PLEKHA2: variants seen among roughly 807,000 people sequenced by gnomAD.
PLEKHA2 encodes pleckstrin homology domain containing A2.
PLEKHA2 carries 28 observed loss-of-function variants against 53.2 expected under a neutral mutation model. That is an observed-to-expected ratio of 0.53 (90% confidence interval 0.39 to 0.72). The LOEUF (loss-of-function observed/expected upper bound fraction) is 0.72. Ranked by LOEUF, PLEKHA2 falls within the 30% of genes least tolerant of loss-of-function variation. PLEKHA2 has a pLI of 0.00. For synonymous variants in PLEKHA2, 193 were observed against 196.4 expected, an observed-to-expected ratio of 0.98 and a Z score of 0.14; for missense variants, 426 against 537.9, an observed-to-expected ratio of 0.79 and a Z score of 2.06.
At chr8:38,911,599 C>T (rs957318740) in intron 1 of PLEKHA2, among the ~76,000 whole-genome samples, 8 of 152,190 alleles carry the variant, frequency 5.3e-5, no homozygotes, top group African/African-American at 1.9e-4. Flanking sequence ...AGGATGCCCA[C>T]AGGCTTACCT....
At chr8:38,933,790 A>AAAAAAAAAAAAAAAAAAAAAGAAAAG (rs71216697) in intron 2 of PLEKHA2, among the ~76,000 whole-genome samples, 7 of 90,660 alleles carry the variant, frequency 7.7e-5, no homozygotes, top group African/African-American at 2.7e-4. Flanking sequence ...AAAAAAAAAA[A>AAAAAAAAAAAAAAAAAAAAAGAAAAG]AAAAGAAAAG....
chr8:38,914,169 C>T (rs1283978478), intron 1 of PLEKHA2, among the ~76,000 whole-genome samples: 1 of 152,226 alleles, frequency 6.6e-6, no homozygotes, highest in African/African-American at 2.4e-5. Flanking sequence ...GTCCCCTATC[C>T]TTTTGCACTG....
intron 10 of PLEKHA2, among the ~76,000 whole-genome samples, chr8:38,963,523 A>G (rs1835077019): frequency 6.6e-6 from 1 of 152,134 alleles, no homozygotes; most frequent in South Asian, 2.1e-4. Context: ...TTTGCATACA[A>G]TTTTGGAGTT....
At chr8:38,918,202 C>G in intron 2 of PLEKHA2, 132 bp downstream of exon 2, 1 of 1,205,256 alleles carries the variant, frequency 8.3e-7, no homozygotes, top group East Asian at 2.6e-5. Flanking sequence ...AGGGGACAAC[C>G]CTACAACACA....
At chr8:38,929,804 T>G (rs547801756) in intron 2 of PLEKHA2, among the ~76,000 whole-genome samples, 10 of 152,376 alleles carry the variant, frequency 6.6e-5, no homozygotes, top group Admixed American at 4.6e-4. Flanking sequence ...AGTTGAGCCT[T>G]AGAGGACTCA....
In PLEKHA2 at chr8:38,969,650, G is replaced by A. The variant is rs141866590; in HGVS notation, c.1145G>A (p.Arg382His). The A allele has an allele frequency of 1.6e-4, 261 of 1,597,130 alleles. No individual in the cohort carries two copies. The highest frequency in any genetic ancestry group is 1.1e-3 in the Admixed American group (63 of 57,248). The change falls in exon 12 of 12, where the codon CGT becomes CAT. Residue 382 changes from arginine (R) to histidine (H), a missense_variant. Arg to His is a conservative substitution (Grantham distance 29). Coordinates refer to ENST00000617275, the MANE Select transcript of PLEKHA2 (RefSeq NM_021623.2). ...DTSEDSLFTP[R>H]PGEGSAPGVL... is the part of the protein sequence containing the mutation. ...TCAGAGGACTCCTTGTTCACGCCTC[G>A]TCCTGGGGAGGGCAGCGCTCCTGGG...
At chr8:38,928,621 A>G (rs1270704890) in intron 2 of PLEKHA2, among the ~76,000 whole-genome samples, 1 of 152,100 alleles carries the variant, frequency 6.6e-6, no homozygotes, top group Non-Finnish European at 1.5e-5. Flanking sequence ...TGGCTGAGAG[A>G]CTTAACACAC....
intron 1 of PLEKHA2, among the ~76,000 whole-genome samples, chr8:38,913,443 C>G (rs910443911): frequency 2.6e-5 from 4 of 151,666 alleles, no homozygotes; most frequent in Non-Finnish European, 5.9e-5. Context: ...AGCCAATGTT[C>G]AGCTGGACAC....
intron 1 of PLEKHA2, among the ~76,000 whole-genome samples, chr8:38,909,219 A>G (rs1833921386): frequency 6.6e-6 from 1 of 151,912 alleles, no homozygotes; most frequent in Non-Finnish European, 1.5e-5. Flanking sequence ...TATAAATTCT[A>G]TTGCAGTTGC....
At chr8:38,927,547 C>T (rs927104188) in intron 2 of PLEKHA2, among the ~76,000 whole-genome samples, 1 of 151,984 alleles carries the variant, frequency 6.6e-6, no homozygotes, top group African/African-American at 2.4e-5. Flanking sequence ...AATAGTGTCT[C>T]GAAGGCAAAG....
At chr8:38,918,141 T>G in intron 2 of PLEKHA2, 71 bp downstream of exon 2, 1 of 1,542,576 alleles carries the variant, frequency 6.5e-7, no homozygotes, top group South Asian at 1.2e-5. Flanking sequence ...GCACACAGGG[T>G]TAGCCTCCAG....
chr8:38,970,153 A>G lies in PLEKHA2; in HGVS notation c.*370A>G, dbSNP rs993500964. On this transcript the variant is annotated 3_prime_UTR_variant, in exon 12 of 12. Coordinates refer to ENST00000617275, the MANE Select transcript of PLEKHA2 (RefSeq NM_021623.2). ...GGAAGTCCAGTTTCACCAATGACCA[A>G]GTTTTATTTCCTTGTCCTTGTTTTA... is the stretch of plus-strand genomic sequence containing the variant. 1 of 439,104 alleles carries G rather than the reference A, an allele frequency of 2.3e-6. No homozygotes were observed. Among genetic ancestry groups the G allele is most frequent in the East Asian group, 3.5e-5 (1 of 28,328 alleles). 27.2% of individuals were successfully genotyped at this position (439,104 alleles called of 1,614,324 possible). A position where few individuals can be genotyped will look rare whatever the true frequency, so the allele number is the denominator to read the frequency against.
intron 6 of PLEKHA2, 46 bp downstream of exon 6, chr8:38,951,036 T>A: frequency 6.8e-7 from 1 of 1,474,066 alleles, no homozygotes; most frequent in Non-Finnish European, 9.1e-7. Context: ...GGTGTGGAAG[T>A]GTCCATGGTG....
At chr8:38,948,931 C>T (rs890465155) in intron 5 of PLEKHA2, among the ~76,000 whole-genome samples, 2 of 152,074 alleles carry the variant, frequency 1.3e-5, no homozygotes, top group African/African-American at 4.8e-5. Flanking sequence ...AGTGCAATGG[C>T]GTGATCTCGG....
intron 10 of PLEKHA2, among the ~76,000 whole-genome samples, chr8:38,963,205 A>G (rs1283272883): frequency 6.6e-6 from 1 of 152,232 alleles, no homozygotes; most frequent in Non-Finnish European, 1.5e-5. Flanking sequence ...TGTCCTACTC[A>G]TCTCAAAAAC....
At chr8:38,936,318 A>G (rs75083660) in intron 3 of PLEKHA2, among the ~76,000 whole-genome samples, 10,657 of 152,130 alleles carry the variant, frequency 0.07, 509 homozygotes, top group East Asian at 0.19. Flanking sequence ...CCTGCGCAGG[A>G]GGTGTTATGT....
rs188471923 is a variant in PLEKHA2, at chr8:38,961,485, C to T, written c.837+4099C>T. ...CCAGGGGGCGGAGGTTGCAGTGAGCCGAGATCACACCACTGCACTCCAGCC... is the reference window on the plus strand; with the variant it reads ...CCAGGGGGCGGAGGTTGCAGTGAGCTGAGATCACACCACTGCACTCCAGCC... On this transcript the variant is annotated intron_variant, in intron 10 of 11. Transcript: ENST00000617275. Among the ~76,000 whole-genome samples, 7 of 151,484 alleles carry T rather than the reference C, an allele frequency of 4.6e-5. No homozygotes were observed. In the East Asian group the frequency reaches 5.8e-4, roughly 13 times the overall value.
chr8:38,907,818 T>TTATG (rs79770085), intron 1 of PLEKHA2, among the ~76,000 whole-genome samples: 43,435 of 147,120 alleles, frequency 0.3, 6,648 homozygotes, highest in East Asian at 0.47. Context: ...GCCACTTATT[T>TTATG]TATGTATGTA....
chr8:38,957,578 A>C (rs182324356), intron 10 of PLEKHA2, among the ~76,000 whole-genome samples, 192 bp downstream of exon 10: 4 of 152,310 alleles, frequency 2.6e-5, no homozygotes, highest in Non-Finnish European at 4.4e-5. Context: ...CCAACCATAA[A>C]ATAATGAAAG....
Sources: allele counts gnomAD v4.1 joint callset (sites outside exome capture counted in the v4.1 genomes callset), GRCh38; gene constraint gnomAD v4.1.1; transcripts MANE v1.5; gene names NCBI Gene and HGNC (gene_info 2026-07-23, HGNC 2026-07-21).